Variants in WHRN observed in about 807,000 individuals in gnomAD.
WHRN encodes the protein whirlin, also known as CASK-interacting protein CIP98.
WHRN carries 41 observed loss-of-function variants against 68.3 expected under a neutral mutation model. That is an observed-to-expected ratio of 0.60 (90% confidence interval 0.47 to 0.78). The LOEUF is 0.78. Ranked by LOEUF, WHRN falls within the 30% of genes least tolerant of loss-of-function variation. The probability of loss-of-function intolerance (pLI) is 0.00; values close to 1 mark genes in which losing one functional copy is unlikely to be tolerated. For synonymous variants in WHRN, 560 were observed against 561.3 expected, an observed-to-expected ratio of 1.00 and a Z score of 0.03; for missense variants, 1,243 against 1,244.7, an observed-to-expected ratio of 1.00 and a Z score of 0.02.
intron 1 of WHRN, among the ~76,000 whole-genome samples, chr9:114,501,534 T>C (rs1002653385): frequency 6.8e-6 from 1 of 147,208 alleles, no homozygotes; most frequent in East Asian, 2.0e-4. Context: ...TAAAATTTAA[T>C]TTAATTTAAT....
chr9:114,426,066 G>A, intron 4 of WHRN, 145 bp downstream of exon 4: 2 of 1,017,780 alleles, frequency 2.0e-6, no homozygotes, highest in Non-Finnish European at 3.0e-6. Context: ...ATGTGCCCAG[G>A]TCATGTCCTG....
chr9:114,481,971 C>T (rs1842125360), intron 1 of WHRN, among the ~76,000 whole-genome samples: 1 of 152,106 alleles, frequency 6.6e-6, no homozygotes, highest in African/African-American at 2.4e-5. Flanking sequence ...ATGACACACG[C>T]CTGGTGAGAG....
At chr9:114,493,830 T>G (rs1315896093) in intron 1 of WHRN, among the ~76,000 whole-genome samples, 2 of 152,200 alleles carry the variant, frequency 1.3e-5, no homozygotes, top group African/African-American at 4.8e-5. Flanking sequence ...AGCCTAGGTT[T>G]TCTCATCAAA....
intron 1 of WHRN, chr9:114,491,802 C>G: frequency 3.8e-6 from 1 of 265,950 alleles, no homozygotes; most frequent in Non-Finnish European, 7.7e-6. Context: ...CCAGTCCCAC[C>G]ATGCCCACGT....
Position 114,402,433 on chromosome 9 carries a change from G to A in WHRN, c.*321C>T. On this transcript the variant is annotated 3_prime_UTR_variant, in exon 12 of 12. Transcript: ENST00000362057. ...ATGGGCTGGGTCCTAGCTGGAGGGG[G>A]GACAGCAGTGCCCCCAACCCAACCT... 2.4e-6 allele frequency: 1 copy of A among 408,294 alleles called. No individual in the cohort carries two copies. Among genetic ancestry groups the A allele is most frequent in the South Asian group, 2.3e-5 (1 of 43,064 alleles). The allele number at this position is 408,294 out of a possible 1,614,324, so 25.3% of individuals were successfully genotyped here. A position where few individuals can be genotyped will look rare whatever the true frequency, so the allele number is the denominator to read the frequency against.
At chr9:114,424,598 A>G in intron 5 of WHRN, 52 bp from the exon 6 acceptor site, 1 of 1,549,234 alleles carries the variant, frequency 6.5e-7, no homozygotes, top group Non-Finnish European at 8.7e-7. Flanking sequence ...TCTAGAGCTG[A>G]GTGGCCATGC....
chr9:114,407,998 T>G lies in WHRN; in HGVS notation c.1647A>C (p.Glu549Asp), dbSNP rs1188231756. 2 of 1,603,480 alleles carry G rather than the reference T, an allele frequency of 1.2e-6. No homozygotes were observed. Among genetic ancestry groups the G allele is most frequent in the African/African-American group, 1.3e-5 (1 of 74,768 alleles). The change falls in exon 8 of 12, where the codon GAA becomes GAC. Residue 549 changes from glutamate (E) to aspartate (D), a missense_variant. Transcript: ENST00000362057. ...TATTGCCCTGGACAGCCTCGCCAGT[T>G]TCCTCCAGGTCCAGAGTGTTCTAGA... ...SSARNTLDLE[E>D]TGEAVQGNIN...
chr9:114,461,724 C>T (rs954687181), intron 3 of WHRN, among the ~76,000 whole-genome samples: 6 of 152,196 alleles, frequency 3.9e-5, no homozygotes, highest in Non-Finnish European at 7.3e-5. Context: ...AAATTTCAAC[C>T]GAAATGCTTC....
At chr9:114,428,857 C>T (rs1324232003) in intron 3 of WHRN, among the ~76,000 whole-genome samples, 2 of 152,186 alleles carry the variant, frequency 1.3e-5, no homozygotes, top group African/African-American at 4.8e-5. Flanking sequence ...TGCTCCCTCC[C>T]ACGTGAGCGA....
intron 7 of WHRN, among the ~76,000 whole-genome samples, chr9:114,412,060 AGACGAGGGAT>A (rs369634967): frequency 7.0e-4 from 107 of 152,296 alleles, no homozygotes; most frequent in African/African-American, 2.5e-3. Flanking sequence ...GGTGAGGGGT[AGACGAGGGAT>A]GAATATCCAG....
intron 1 of WHRN, chr9:114,491,422 T>C (rs1207952853): frequency 6.6e-6 from 1 of 152,164 alleles, no homozygotes; most frequent in Non-Finnish European, 1.5e-5. Context: ...AGGATATCAG[T>C]CAGTTATGCA....
At chr9:114,471,879 T>A (rs1343897911) in intron 2 of WHRN, among the ~76,000 whole-genome samples, 31 of 152,212 alleles carry the variant, frequency 2.0e-4, no homozygotes, top group Non-Finnish European at 5.9e-5. Context: ...CCCACTCTGC[T>A]TTGGGCACGG....
In WHRN at chr9:114,486,953, GTGTGTGTATATATATATATATATATATA is replaced by G. The variant is rs1842570035; in HGVS notation, c.619-8210_619-8183del. ...GTGTGTGTGTGTGTTGTGTGTGTGT[GTGTGTGTATATATATATATATATATATA>G]TATATATATATATATATATATATAT... On this transcript the variant is annotated intron_variant, in intron 1 of 11. Coordinates refer to ENST00000362057, the MANE Select transcript of WHRN (RefSeq NM_015404.4). 3.5e-5 allele frequency among the ~76,000 whole-genome samples: 4 copies of G among 115,444 alleles called. 1 individual carries two copies. Among genetic ancestry groups the G allele is most frequent in the African/African-American group, 1.9e-4 (4 of 21,570 alleles). The allele number at this position is 115,444 out of a possible 152,430, so 75.7% of individuals were successfully genotyped here. A position where few individuals can be genotyped will look rare whatever the true frequency, so the allele number is the denominator to read the frequency against.
At chr9:114,453,019 T>C (rs1413723735) in intron 3 of WHRN, among the ~76,000 whole-genome samples, 1 of 152,210 alleles carries the variant, frequency 6.6e-6, no homozygotes, top group East Asian at 1.9e-4. Flanking sequence ...TTCCTGTTTC[T>C]TCATGGAGGA....
chr9:114,485,343 C>CTTG, intron 1 of WHRN, among the ~76,000 whole-genome samples: 1 of 152,314 alleles, frequency 6.6e-6, no homozygotes, highest in South Asian at 2.1e-4. Flanking sequence ...AGATGACTTG[C>CTTG]TGTGTGACAC....
rs769213284 is a variant in WHRN, at chr9:114,402,913, A to G, written c.2565T>C (p.Cys855=). 3 of 1,612,762 alleles carry G rather than the reference A, an allele frequency of 1.9e-6. No homozygotes were observed. Among genetic ancestry groups the G allele is most frequent in the East Asian group, 2.2e-5 (1 of 44,866 alleles). Residue 855 remains cysteine (C), a synonymous_variant, in exon 12 of 12, where the codon TGT becomes TGC. Transcript: ENST00000362057. ...TIQRGGSAHN[C]GQLKVGHVIL... ...TCACGTGGCCCACCTTGAGCTGCCC[A>G]CAGTTGTGAGCTGAGCCGCCTCTCT... is the stretch of plus-strand genomic sequence containing the variant.
At position 114,416,764 on chromosome 9, in the gene WHRN, A is replaced by G. The variant is rs147902993; in HGVS notation, c.1626+6550T>C. On this transcript the variant is annotated intron_variant, in intron 7 of 11. Coordinates refer to ENST00000362057, the MANE Select transcript of WHRN (RefSeq NM_015404.4). ...CCCTTTTCCAACCTTTGGAGTAGAAACAGAATGGGCTCCTCCACACTCCAC... is the reference window on the plus strand; with the variant it reads ...CCCTTTTCCAACCTTTGGAGTAGAAGCAGAATGGGCTCCTCCACACTCCAC... Among the ~76,000 whole-genome samples, 1,168 of 152,258 alleles carry G rather than the reference A, an allele frequency of 7.7e-3. 15 individuals are homozygous for G. The highest frequency in any genetic ancestry group is 0.026 in the African/African-American group (1,096 of 41,534).
chr9:114,503,101 ACT>A, intron 1 of WHRN: 1 of 983,258 alleles, frequency 1.0e-6, no homozygotes, highest in Non-Finnish European at 1.2e-6. Flanking sequence ...ACGGCTCAAG[ACT>A]CACCTGGACA....
chr9:114,435,641 A>G (rs952223861), intron 3 of WHRN, among the ~76,000 whole-genome samples: 2 of 152,206 alleles, frequency 1.3e-5, no homozygotes, highest in Non-Finnish European at 2.9e-5. Flanking sequence ...CTTCCTGGGC[A>G]GTTGGGGCAA....
Sources: allele counts gnomAD v4.1 joint callset (sites outside exome capture counted in the v4.1 genomes callset), GRCh38; gene constraint gnomAD v4.1.1; transcripts MANE v1.5; gene names NCBI Gene and HGNC (gene_info 2026-07-23, HGNC 2026-07-21).